The following LHFPL6 variants were observed in gnomAD, a reference collection of about 807,000 sequenced individuals.
LHFPL6 encodes the protein LHFPL tetraspan subfamily member 6.
In LHFPL6, 9 loss-of-function variants were observed where a neutral mutation model predicts 20.6. The observed-to-expected ratio is 0.44, with a 90% CI of 0.26 to 0.76. The LOEUF (loss-of-function observed/expected upper bound fraction) is 0.76. LHFPL6 is among the 30% of genes least tolerant of loss of function. The pLI is 0.20. For missense variants in LHFPL6, 218 were observed against 253.5 expected, an observed-to-expected ratio of 0.86 and a Z score of 0.95; for synonymous variants, 105 against 98.7, an observed-to-expected ratio of 1.06 and a Z score of -0.38.
At chr13:39,365,145 T>C (rs1030547349) in intron 3 of LHFPL6, among the ~76,000 whole-genome samples, 2 of 152,206 alleles carry the variant, frequency 1.3e-5, no homozygotes, top group African/African-American at 4.8e-5. Context: ...CTCTGACTCA[T>C]GGACTGCCCA....
At chr13:39,552,030 T>C (rs889173461) in intron 2 of LHFPL6, among the ~76,000 whole-genome samples, 1 of 152,206 alleles carries the variant, frequency 6.6e-6, no homozygotes, top group African/African-American at 2.4e-5. Context: ...TGGCCTATTC[T>C]TTTTTATTAA....
chr13:39,517,110 G>A (rs988502542), intron 2 of LHFPL6, among the ~76,000 whole-genome samples: 1 of 152,160 alleles, frequency 6.6e-6, no homozygotes, highest in Admixed American at 6.5e-5. Flanking sequence ...AAAGGGAAAG[G>A]GTTGCCAAAT....
At position 39,358,925 on chromosome 13, in the gene LHFPL6, C is replaced by A. The variant is rs1017440634; in HGVS notation, c.485-14871G>T. 5.3e-5 allele frequency among the ~76,000 whole-genome samples: 8 copies of A among 152,190 alleles called. No individual in the cohort carries two copies. In the South Asian group the frequency reaches 1.0e-3, roughly 20 times the overall value. ...TGGTGGCTCCCGCCTGTAATCCTAG[C>A]ACTTTGGGAGGCCGAGGAGGGTGGA... On this transcript the variant is annotated intron_variant, in intron 3 of 3. Coordinates refer to ENST00000379589, the MANE Select transcript of LHFPL6 (RefSeq NM_005780.3).
chr13:39,377,778 C>A (rs1593290788), intron 3 of LHFPL6, among the ~76,000 whole-genome samples: 1 of 152,182 alleles, frequency 6.6e-6, no homozygotes, highest in Non-Finnish European at 1.5e-5. Flanking sequence ...GAGTTAAGAG[C>A]CTTTTATCAA....
chr13:39,531,151 C>T (rs9548800), intron 2 of LHFPL6, among the ~76,000 whole-genome samples: 32,141 of 152,128 alleles, frequency 0.21, 3,733 homozygotes, highest in South Asian at 0.36. Flanking sequence ...TCCAATGATT[C>T]GTTCCTATGA....
intron 3 of LHFPL6, among the ~76,000 whole-genome samples, chr13:39,363,834 A>T (rs1380311559): frequency 6.6e-6 from 1 of 152,212 alleles, no homozygotes; most frequent in African/African-American, 2.4e-5. Context: ...AAAAAGCTAT[A>T]AAGTTATGGG....
At chr13:39,521,157 A>G (rs1172029987) in intron 2 of LHFPL6, among the ~76,000 whole-genome samples, 2 of 152,202 alleles carry the variant, frequency 1.3e-5, no homozygotes. Context: ...GCAGCCTTTA[A>G]GACAGATCAT....
chr13:39,379,245 T>C (rs999378230), intron 2 of LHFPL6, among the ~76,000 whole-genome samples: 5 of 152,330 alleles, frequency 3.3e-5, no homozygotes, highest in East Asian at 3.9e-4. Context: ...CAGCTTTCAA[T>C]TGGTGAGTCT....
intron 2 of LHFPL6, among the ~76,000 whole-genome samples, chr13:39,580,616 T>C (rs1240007580): frequency 1.3e-5 from 2 of 152,234 alleles, no homozygotes; most frequent in Non-Finnish European, 2.9e-5. Flanking sequence ...GAATGTTTCC[T>C]GGCACAGAGC....
chr13:39,465,630 C>T (rs1410369033), intron 2 of LHFPL6, among the ~76,000 whole-genome samples: 1 of 152,076 alleles, frequency 6.6e-6, no homozygotes, highest in Non-Finnish European at 1.5e-5. Context: ...CTGGAAAAGG[C>T]AAACTGGAAA....
chr13:39,445,527 C>T (rs779529602), intron 2 of LHFPL6, among the ~76,000 whole-genome samples: 2 of 152,122 alleles, frequency 1.3e-5, no homozygotes, highest in Non-Finnish European at 2.9e-5. Flanking sequence ...TTTCAATAGA[C>T]GTTTAGTAAA....
intron 2 of LHFPL6, among the ~76,000 whole-genome samples, chr13:39,410,649 T>C (rs1297413273): frequency 2.6e-5 from 4 of 152,182 alleles, no homozygotes; most frequent in African/African-American, 9.7e-5. Flanking sequence ...ACAACAGATA[T>C]TTCTCATGTT....
chr13:39,409,241 G>A (rs1871194772), intron 2 of LHFPL6, among the ~76,000 whole-genome samples: 1 of 152,052 alleles, frequency 6.6e-6, no homozygotes, highest in African/African-American at 2.4e-5. Flanking sequence ...ATCACTTGAG[G>A]TCAGGAGTTC....
At chr13:39,487,336 CTCCCTTTTTAATAGA>C (rs1868760089) in intron 2 of LHFPL6, among the ~76,000 whole-genome samples, 1 of 152,168 alleles carries the variant, frequency 6.6e-6, no homozygotes, top group Non-Finnish European at 1.5e-5. Context: ...AGAGCAAACT[CTCCCTTTTTAATAGA>C]TAAAGGGTTG....
chr13:39,558,763 A>G (rs1404875930), intron 2 of LHFPL6, among the ~76,000 whole-genome samples: 1 of 152,208 alleles, frequency 6.6e-6, no homozygotes, highest in Non-Finnish European at 1.5e-5. Flanking sequence ...CTCTCTCCCC[A>G]GCACCAGGCA....
intron 2 of LHFPL6, among the ~76,000 whole-genome samples, chr13:39,441,076 A>G (rs1872114188): frequency 1.3e-5 from 2 of 151,762 alleles, no homozygotes; most frequent in African/African-American, 4.8e-5. Context: ...CAGCATGAAA[A>G]TGGACTAATA....
chr13:39,523,331 A>G (rs1378727276), intron 2 of LHFPL6, among the ~76,000 whole-genome samples: 2 of 152,186 alleles, frequency 1.3e-5, no homozygotes, highest in South Asian at 2.1e-4. Context: ...GCACTTTGGG[A>G]GGCCGAGGCG....
chr13:39,533,547 G>A (rs1566134913), intron 2 of LHFPL6, among the ~76,000 whole-genome samples: 1 of 152,110 alleles, frequency 6.6e-6, no homozygotes, highest in Admixed American at 6.6e-5. Context: ...TGCAAAGGAG[G>A]CTGATATAAA....
chr13:39,545,114 C>G (rs540445226), intron 2 of LHFPL6, among the ~76,000 whole-genome samples: 1 of 151,644 alleles, frequency 6.6e-6, no homozygotes, highest in African/African-American at 2.4e-5. Flanking sequence ...GGCGTGGGGA[C>G]GGGCGCCTGT....
Sources: allele counts gnomAD v4.1 joint callset (sites outside exome capture counted in the v4.1 genomes callset), GRCh38; gene constraint gnomAD v4.1.1; transcripts MANE v1.5; gene names NCBI Gene and HGNC (gene_info 2026-07-23, HGNC 2026-07-21).